Variants in RALGAPB observed in about 807,000 individuals in gnomAD.
RALGAPB encodes ral GTPase-activating protein subunit beta.
Under a neutral mutation model 161.1 loss-of-function variants are expected in RALGAPB, and 25 were observed. That is an observed-to-expected ratio of 0.16 (90% CI 0.11 to 0.22). The LOEUF (loss-of-function observed/expected upper bound fraction) is 0.22, where lower values mean the gene tolerates loss of function less well. Among genes scored for constraint, RALGAPB ranks in the 10% least tolerant of loss-of-function variants. RALGAPB has a pLI of 1.00. For synonymous variants in RALGAPB, 629 were observed against 626.1 expected, an observed-to-expected ratio of 1.00 and a Z score of -0.07; for missense variants, 1,391 against 1,815.2, an observed-to-expected ratio of 0.77 and a Z score of 4.25.
At chr20:38,479,730 G>T (rs1480536352) in intron 1 of RALGAPB, among the ~76,000 whole-genome samples, 1 of 152,174 alleles carries the variant, frequency 6.6e-6, no homozygotes, top group Non-Finnish European at 1.5e-5. Context: ...CTGGGGAGGG[G>T]ACTCAGGATC....
intron 17 of RALGAPB, 95 bp from the exon 18 acceptor site, chr20:38,540,946 C>A: frequency 7.2e-7 from 1 of 1,389,532 alleles, no homozygotes; most frequent in South Asian, 1.5e-5. Context: ...AGCCCTTCCA[C>A]CAAAACGCAA....
At chr20:38,519,608 G>T (rs777525469) in intron 9 of RALGAPB, among the ~76,000 whole-genome samples, 1 of 152,088 alleles carries the variant, frequency 6.6e-6, no homozygotes, top group Non-Finnish European at 1.5e-5. Flanking sequence ...CAAATCATAC[G>T]TGAACAACAT....
chr20:38,574,362 A>G (rs1261550649), intron 29 of RALGAPB, 64 bp downstream of exon 29: 5 of 1,478,880 alleles, frequency 3.4e-6, no homozygotes, highest in African/African-American at 2.9e-5. Context: ...TTATAAACCA[A>G]AAAGAAGTAA....
At chr20:38,568,597 A>G (rs980421490) in intron 26 of RALGAPB, 1 of 152,002 alleles carries the variant, frequency 6.6e-6, no homozygotes, top group Non-Finnish European at 1.5e-5. Flanking sequence ...GTAAAACTGT[A>G]TGTATTTGCA....
chr20:38,560,541 C>T (rs1018287377), intron 23 of RALGAPB, among the ~76,000 whole-genome samples: 3 of 152,152 alleles, frequency 2.0e-5, no homozygotes, highest in East Asian at 3.9e-4. Flanking sequence ...GAGATGAGAC[C>T]GATGGAGTCA....
At chr20:38,538,471 G>A (rs938848810) in intron 16 of RALGAPB, 1 of 165,146 alleles carries the variant, frequency 6.1e-6, no homozygotes, top group Non-Finnish European at 1.3e-5. Context: ...GTGTAATAGG[G>A]TCTCCTTGGC....
At position 38,539,774 on chromosome 20, in the gene RALGAPB, A is replaced by G; in HGVS notation, c.2380-2A>G. The G allele has an allele frequency of 6.2e-7, 1 of 1,610,828 alleles. No homozygotes were observed. Among genetic ancestry groups the G allele is most frequent in the Non-Finnish European group, 8.5e-7 (1 of 1,177,916 alleles). On this transcript the variant is annotated splice_acceptor_variant, in intron 16 of 29. Transcript: ENST00000262879. LOFTEE classifies it high-confidence loss of function. Reference sequence around the variant, plus strand: ...TTTTGTTCTCCAAATGAATATGCTCAGGTAAAAGTGATGGTTGACTCAGGA... The same window carrying G: ...TTTTGTTCTCCAAATGAATATGCTCGGGTAAAAGTGATGGTTGACTCAGGA...
intron 3 of RALGAPB, among the ~76,000 whole-genome samples, chr20:38,496,214 C>G (rs2085423518): frequency 6.6e-6 from 1 of 152,050 alleles, no homozygotes; most frequent in African/African-American, 2.4e-5. Flanking sequence ...GGTCTGACTT[C>G]TTTAGGGAAA....
At chr20:38,565,630 T>C in intron 25 of RALGAPB, 152 bp downstream of exon 25, 1 of 964,042 alleles carries the variant, frequency 1.0e-6, no homozygotes, top group South Asian at 2.7e-5. Flanking sequence ...CAAGATGTCT[T>C]CTCTTAACTT....
intron 25 of RALGAPB, 61 bp from the exon 26 acceptor site, chr20:38,567,035 A>C: frequency 1.3e-6 from 2 of 1,550,610 alleles, no homozygotes; most frequent in South Asian, 2.5e-5. Context: ...AATTAGTTTT[A>C]ACAGCCTTGC....
chr20:38,478,451 C>T (rs894398746), intron 1 of RALGAPB, among the ~76,000 whole-genome samples: 14 of 152,078 alleles, frequency 9.2e-5, no homozygotes, highest in Admixed American at 4.6e-4. Context: ...GACGGAGTCT[C>T]GCTCTGTCAC....
rs777912682 is a variant in RALGAPB at position 38,525,962 on chromosome 20, C to G, written c.1970C>G (p.Ser657Cys). The G allele has an allele frequency of 6.2e-7, 1 of 1,613,716 alleles. No individual in the cohort carries two copies. The highest frequency in any genetic ancestry group is 8.5e-7 in the Non-Finnish European group (1 of 1,179,688). ...SSYDKPITFL[S>C]LKLRLVNILI... is the part of the protein sequence containing the mutation. ...TATGATAAACCAATAACTTTTCTGT[C>G]CCTGAAGTTGAGACTTGTGAATATA... The change falls in exon 13 of 30, where the codon TCC (serine) becomes TGC (cysteine). Residue 657 changes from serine (S) to cysteine (C), a missense_variant. By Grantham distance (112) the Ser-to-Cys change is moderately radical. Around this residue, in one of 3 missense-constraint regions of RALGAPB, gnomAD observed 946 missense variants for 1,257.2 expected, o/e 0.75. Transcript: ENST00000262879.
In RALGAPB at chr20:38,512,584, T is replaced by A. The variant is rs1210985688; in HGVS notation, c.872+3376T>A. On this transcript the variant is annotated intron_variant, in intron 6 of 29. Coordinates refer to ENST00000262879, the MANE Select transcript of RALGAPB (RefSeq NM_020336.4). ...TATTTCTGTATATTATTTTACTGCA[T>A]CCATCAGAAGTAGAACACTGTTGAA... Among the ~76,000 whole-genome samples the A allele has an allele frequency of 2.6e-5, 4 of 152,356 alleles. No individual in the cohort carries two copies. In the East Asian group the frequency reaches 7.7e-4, roughly 29 times the overall value.
chr20:38,576,007 C>T lies in RALGAPB; in HGVS notation c.*1040C>T, dbSNP rs1601105753. ...CATAATTGACAAACATGAGTGACCA[C>T]CTCTTTGGGTGGCTACTGTTAGAAA... On this transcript the variant is annotated 3_prime_UTR_variant, in exon 30 of 30. Transcript: ENST00000262879. The T allele has an allele frequency of 1.3e-5, 2 of 152,354 alleles. No homozygotes were observed. The highest frequency in any genetic ancestry group is 4.1e-4 in the South Asian group (2 of 4,828). The allele number at this position is 152,354 out of a possible 1,614,324, so 9.4% of individuals were successfully genotyped here. A position where few individuals can be genotyped will look rare whatever the true frequency, so the allele number is the denominator to read the frequency against.
intron 23 of RALGAPB, among the ~76,000 whole-genome samples, chr20:38,562,007 A>G (rs976690188): frequency 1.3e-5 from 2 of 152,114 alleles, no homozygotes; most frequent in African/African-American, 2.4e-5. Flanking sequence ...TGGACACTTC[A>G]TTTTTCCTGG....
intron 29 of RALGAPB, 85 bp from the exon 30 acceptor site, chr20:38,574,689 G>A (rs1568991594): frequency 6.8e-6 from 9 of 1,318,820 alleles, no homozygotes; most frequent in Non-Finnish European, 9.7e-6. Flanking sequence ...TTGAGTATGC[G>A]GAGAATAGTT....
In RALGAPB at chr20:38,508,847, A is replaced by T. The variant is rs114685980; in HGVS notation, c.741-230A>T. ...ATAATGATGTTTTGATATATATATA[A>T]AAAATGTGTAGTGATTGATCAGAGT... is the stretch of plus-strand genomic sequence containing the variant. On this transcript the variant is annotated intron_variant, in intron 5 of 29. Coordinates refer to ENST00000262879, the MANE Select transcript of RALGAPB (RefSeq NM_020336.4). 5.1e-3 allele frequency among the ~76,000 whole-genome samples: 781 copies of T among 152,272 alleles called. 6 individuals carry two copies. Among genetic ancestry groups the T allele is most frequent in the African/African-American group, 0.018 (741 of 41,534 alleles).
chr20:38,499,381 C>A, intron 4 of RALGAPB, 66 bp from the exon 5 acceptor site: 1 of 1,356,664 alleles, frequency 7.4e-7, no homozygotes, highest in Non-Finnish European at 1.0e-6. Flanking sequence ...TCTCCCAAAT[C>A]AGTGTCTTAA....
chr20:38,531,045 G>GGGT, intron 13 of RALGAPB, 122 bp from the exon 14 acceptor site: 1 of 774,716 alleles, frequency 1.3e-6, no homozygotes, highest in Non-Finnish European at 2.1e-6. Flanking sequence ...AATTTCATGG[G>GGGT]TATTTCAGGA....
Sources: allele counts gnomAD v4.1 joint callset (sites outside exome capture counted in the v4.1 genomes callset), GRCh38; gene constraint gnomAD v4.1.1; regional missense constraint gnomAD v4.1.1; transcripts MANE v1.5; gene names NCBI Gene and HGNC (gene_info 2026-07-23, HGNC 2026-07-21).